The following C6orf118 variants were observed in gnomAD, a reference collection of about 807,000 sequenced individuals.
C6orf118 encodes the protein chromosome 6 open reading frame 118.
C6orf118 carries 50 observed loss-of-function variants against 50.2 expected under a neutral mutation model. The ratio of observed to expected loss-of-function variants is 1.00; its 90% CI spans 0.79 to 1.26. The LOEUF is 1.26. C6orf118 is among the 50% of genes most tolerant of loss of function. C6orf118 has a pLI of 0.00. For missense variants in C6orf118, 641 were observed against 578.7 expected, an observed-to-expected ratio of 1.11 and a Z score of -1.10; for synonymous variants, 239 against 230.9, an observed-to-expected ratio of 1.03 and a Z score of -0.32.
At chr6:165,290,321 A>T (rs1427221809) in intron 6 of C6orf118, among the ~76,000 whole-genome samples, 1 of 152,132 alleles carries the variant, frequency 6.6e-6, no homozygotes, top group African/African-American at 2.4e-5. Context: ...GAAAGGTTCA[A>T]TGGTGAATTA....
intron 1 of C6orf118, among the ~76,000 whole-genome samples, chr6:165,306,535 C>CAAAAAA (rs60755206): frequency 2.3e-4 from 9 of 39,706 alleles, no homozygotes; most frequent in Non-Finnish European, 3.0e-4. Context: ...TAGGTGAATG[C>CAAAAAA]AAAAAAAAAA....
Position 165,306,085 on chromosome 6 carries a change from CAAT to C in C6orf118, c.25+3474_25+3476del, listed in dbSNP as rs1337068733. Among the ~76,000 whole-genome samples, 7 of 81,652 alleles carry C rather than the reference CAAT, an allele frequency of 8.6e-5. 1 individual carries two copies. The highest frequency in any genetic ancestry group is 1.3e-4 in the Non-Finnish European group (6 of 45,948). The allele number at this position is 81,652 out of a possible 152,430, so 53.6% of individuals were successfully genotyped here. ...ACTTGGAACCAACCCAAATGTCCAA[CAAT>C]GATAGACTGGATTAAGAAAATGTGG... On this transcript the variant is annotated intron_variant, in intron 1 of 8. Transcript: ENST00000230301.
chr6:165,293,891 TG>T (rs1181179264), intron 5 of C6orf118, among the ~76,000 whole-genome samples: 1 of 152,222 alleles, frequency 6.6e-6, no homozygotes, highest in Non-Finnish European at 1.5e-5. Context: ...GCATCTTTCC[TG>T]TGTATTATTA....
chr6:165,290,783 A>C (rs1455619013), intron 6 of C6orf118, among the ~76,000 whole-genome samples: 1 of 152,186 alleles, frequency 6.6e-6, no homozygotes, highest in African/African-American at 2.4e-5. Flanking sequence ...AATCATTCAC[A>C]CAGGTTGATC....
In C6orf118 at chr6:165,287,964, C is replaced by G. The variant is rs1583004640; in HGVS notation, c.1302+1922G>C. 3.3e-5 allele frequency among the ~76,000 whole-genome samples: 5 copies of G among 152,178 alleles called. No individual in the cohort carries two copies. The South Asian group carries it at 1.0e-3, about 32-fold the overall frequency. ...AATTAAACTAAAGAGTTCTGCACAGCAAAAGAAACTATCATCAGAGCAAAC... is the reference window on the plus strand; with the variant it reads ...AATTAAACTAAAGAGTTCTGCACAGGAAAAGAAACTATCATCAGAGCAAAC... On this transcript the variant is annotated intron_variant, in intron 7 of 8. Coordinates refer to ENST00000230301, the MANE Select transcript of C6orf118 (RefSeq NM_144980.4).
At chr6:165,309,413 C>T in intron 1 of C6orf118, 149 bp downstream of exon 1, 4 of 888,008 alleles carry the variant, frequency 4.5e-6, no homozygotes, top group Non-Finnish European at 7.1e-6. Flanking sequence ...AACCCCAATC[C>T]AGTCCTCAGC....
intron 5 of C6orf118, among the ~76,000 whole-genome samples, chr6:165,294,415 T>G (rs1243252937): frequency 6.6e-6 from 1 of 151,798 alleles, no homozygotes; most frequent in African/African-American, 2.4e-5. Flanking sequence ...CAAAAAGGAG[T>G]CTAACAGGTA....
chr6:165,295,914 A>G (rs867795505), intron 5 of C6orf118, among the ~76,000 whole-genome samples: 2 of 78,578 alleles, frequency 2.5e-5, no homozygotes, highest in Admixed American at 3.1e-4. Flanking sequence ...AAGTAACCCC[A>G]CCCCACCACA....
chr6:165,285,766 C>T (rs1779882689), intron 7 of C6orf118, among the ~76,000 whole-genome samples: 1 of 152,012 alleles, frequency 6.6e-6, no homozygotes, highest in Non-Finnish European at 1.5e-5. Flanking sequence ...CTCTGGGATG[C>T]AGCTGAAGCA....
At chr6:165,299,192 C>T (rs943309467) in intron 4 of C6orf118, among the ~76,000 whole-genome samples, 2 of 152,166 alleles carry the variant, frequency 1.3e-5, no homozygotes, top group African/African-American at 2.4e-5. Context: ...TTTATATTCC[C>T]AATTTATACA....
chr6:165,307,498 C>T (rs1360500233), intron 1 of C6orf118, among the ~76,000 whole-genome samples: 1 of 151,286 alleles, frequency 6.6e-6, no homozygotes, highest in Non-Finnish European at 1.5e-5. Flanking sequence ...GTGGAGGTTG[C>T]AGTGAGTCGA....
At chr6:165,300,711 T>A (rs777913167) in intron 2 of C6orf118, among the ~76,000 whole-genome samples, 3 of 151,956 alleles carry the variant, frequency 2.0e-5, no homozygotes, top group Admixed American at 6.6e-5. Context: ...TCTTTTCTTC[T>A]TTATTGACTC....
At chr6:165,290,301 G>C (rs1780063903) in intron 6 of C6orf118, among the ~76,000 whole-genome samples, 2 of 152,074 alleles carry the variant, frequency 1.3e-5, no homozygotes, top group South Asian at 4.1e-4. Context: ...TGCAGACACT[G>C]GGCTAGGTAG....
chr6:165,298,569 A>G (rs1303236866), intron 4 of C6orf118, among the ~76,000 whole-genome samples: 2 of 152,184 alleles, frequency 1.3e-5, no homozygotes, highest in Admixed American at 1.3e-4. Context: ...ACAGACACAG[A>G]AAGAGGCATC....
intron 6 of C6orf118, among the ~76,000 whole-genome samples, chr6:165,290,793 C>G (rs563527332): frequency 2.6e-5 from 4 of 152,094 alleles, no homozygotes; most frequent in African/African-American, 9.7e-5. Flanking sequence ...ACAGGTTGAT[C>G]GGGTCAGGGT....
intron 6 of C6orf118, among the ~76,000 whole-genome samples, chr6:165,292,745 C>T (rs1780147677): frequency 6.6e-6 from 1 of 152,032 alleles, no homozygotes; most frequent in African/African-American, 2.4e-5. Flanking sequence ...CAAGGGGATG[C>T]AAATCAGGCG....
At position 165,293,418 on chromosome 6, in the gene C6orf118, C is replaced by G. The variant is rs149970829; in HGVS notation, c.1115G>C (p.Arg372Pro). The change falls in exon 6 of 9, where the codon CGA (arginine) becomes CCA (proline). Residue 372 changes from arginine (R) to proline (P), a missense_variant. Transcript: ENST00000230301. ...GACATCACACAGACACCTGCCTGAT[C>G]GTTCCTTTGCAGACTGCAGCAATGC... ...EVALLQSAKE[R>P]SESSEKHIID... The G allele has an allele frequency of 2.5e-6, 4 of 1,613,798 alleles. No homozygotes were observed. Among genetic ancestry groups the G allele is most frequent in the South Asian group, 1.1e-5 (1 of 91,080 alleles).
chr6:165,287,649 T>C (rs1779959840), intron 7 of C6orf118, among the ~76,000 whole-genome samples: 1 of 152,164 alleles, frequency 6.6e-6, no homozygotes, highest in South Asian at 2.1e-4. Context: ...AACCATCTGA[T>C]CTTTGACAAA....
At chr6:165,302,318 G>T (rs372213658) in intron 1 of C6orf118, 22 bp from the exon 2 acceptor site, 2 of 1,602,570 alleles carry the variant, frequency 1.2e-6, no homozygotes, top group Non-Finnish European at 8.5e-7. Flanking sequence ...AGAAAAGGAG[G>T]CTCTTAGGGA....
Sources: gnomAD v4.1 joint callset for allele counts (sites outside exome capture counted in the v4.1 genomes callset) on GRCh38, gnomAD v4.1.1 for gene constraint, MANE v1.5 for transcripts, NCBI Gene and HGNC (gene_info 2026-07-23, HGNC 2026-07-21) for gene names.